DNAAF9: variants seen among roughly 807,000 people sequenced by gnomAD.
DNAAF9 encodes dynein axonemal assembly factor 9.
A neutral mutation model predicts 167.0 loss-of-function variants in DNAAF9; 90 were observed. That is an observed-to-expected ratio of 0.54 (90% confidence interval 0.45 to 0.64). The LOEUF (loss-of-function observed/expected upper bound fraction) is 0.64, where lower values mean the gene tolerates loss of function less well. Among genes scored for constraint, DNAAF9 ranks in the 30% least tolerant of loss-of-function variants. The probability of loss-of-function intolerance (pLI) is 0.00; values close to 1 mark genes in which losing one functional copy is unlikely to be tolerated. For synonymous variants in DNAAF9, 491 were observed against 508.8 expected, an observed-to-expected ratio of 0.96 and a Z score of 0.47; for missense variants, 1,315 against 1,442.2, an observed-to-expected ratio of 0.91 and a Z score of 1.43.
At position 3,255,258 on chromosome 20, in the gene DNAAF9, G is replaced by T. The variant is rs1337542444; in HGVS notation, c.3288C>A (p.Thr1096=). The T allele has an allele frequency of 1.3e-6, 2 of 1,550,846 alleles. No homozygotes were observed. Among genetic ancestry groups the T allele is most frequent in the East Asian group, 4.9e-5 (2 of 40,926 alleles). The change falls in exon 35 of 37, where the codon ACC becomes ACA. Residue 1096 remains threonine, a synonymous_variant. Transcript: ENST00000252032. ...KQKPQRKALK[T]RGMLTQQEIR... ...TCTCCTGTTGCGTCAGCATCCCCCT[G>T]GTCTTCAGGGCTTTCCTCTGAGGCT...
chr20:3,278,984 A>T lies in DNAAF9; in HGVS notation c.2613-35T>A, dbSNP rs754928507. The T allele has an allele frequency of 2.7e-6, 4 of 1,482,636 alleles. No homozygotes were observed. In the South Asian group the frequency reaches 4.6e-5, roughly 17 times the overall value. 91.8% of individuals were successfully genotyped at this position (1,482,636 alleles called of 1,614,324 possible). A position where few individuals can be genotyped will look rare whatever the true frequency, so the allele number is the denominator to read the frequency against. On this transcript the variant is annotated intron_variant, in intron 28 of 36. Transcript: ENST00000252032. ...AAAAAGGGGGAAATATTTAAAAACC[A>T]TTCACCTCAGAGTTGTCACTGATTA...
intron 31 of DNAAF9, among the ~76,000 whole-genome samples, chr20:3,262,950 T>C (rs1439819514): frequency 6.6e-6 from 1 of 151,456 alleles, no homozygotes; most frequent in Admixed American, 6.6e-5. Flanking sequence ...TTTTGTTTTT[T>C]ACAGCATAGC....
At chr20:3,267,701 G>A (rs2122788113) in intron 30 of DNAAF9, among the ~76,000 whole-genome samples, 1 of 152,118 alleles carries the variant, frequency 6.6e-6, no homozygotes, top group African/African-American at 2.4e-5. Flanking sequence ...CTGGTATGGT[G>A]GTATGCACTT....
chr20:3,317,769 G>T (rs1274541052), intron 17 of DNAAF9, among the ~76,000 whole-genome samples: 1 of 151,916 alleles, frequency 6.6e-6, no homozygotes, highest in East Asian at 1.9e-4. Context: ...GCTAATTTTT[G>T]TATTTTTAGT....
intron 11 of DNAAF9, 124 bp from the exon 12 acceptor site, chr20:3,330,806 T>TA: frequency 1.6e-6 from 1 of 617,178 alleles, no homozygotes; most frequent in Non-Finnish European, 2.8e-6. Flanking sequence ...TTTTTTTTTT[T>TA]TTTGAGACAC....
intron 10 of DNAAF9, among the ~76,000 whole-genome samples, chr20:3,337,440 GT>G (rs55881467): frequency 2.1e-4 from 28 of 134,388 alleles, no homozygotes; most frequent in Non-Finnish European, 2.2e-4. Flanking sequence ...CTTTTTTTTT[GT>G]TTTTTTTTTT....
rs1371359566 is a variant in DNAAF9 at position 3,315,498 on chromosome 20, A to G, written c.1590+237T>C. 1.3e-5 allele frequency among the ~76,000 whole-genome samples: 2 copies of G among 152,056 alleles called. No homozygotes were observed. Among genetic ancestry groups the G allele is most frequent in the Non-Finnish European group, 2.9e-5 (2 of 68,010 alleles). On this transcript the variant is annotated intron_variant, in intron 19 of 36. Coordinates refer to ENST00000252032, the MANE Select transcript of DNAAF9 (RefSeq NM_001009984.3). This position sits in a 1 kb window ranked among gnomAD's most constrained non-coding sequence, Gnocchi z 4.1. ...GATCTGCTTTTAATATTATGGGGAG[A>G]TTTTTAAAAGAACACCAGAAGGCCC...
At chr20:3,338,798 G>A (rs971013096) in intron 10 of DNAAF9, among the ~76,000 whole-genome samples, 11 of 151,736 alleles carry the variant, frequency 7.2e-5, no homozygotes, top group Admixed American at 1.3e-4. Flanking sequence ...GATAACAGGC[G>A]CCCGCCACCA....
At chr20:3,257,672 T>A (rs1174714655) in intron 33 of DNAAF9, among the ~76,000 whole-genome samples, 1 of 151,980 alleles carries the variant, frequency 6.6e-6, no homozygotes, top group Non-Finnish European at 1.5e-5. Flanking sequence ...GCCTCCCAAG[T>A]AGCTGGGATT....
At chr20:3,376,074 G>C (rs1293197421) in intron 4 of DNAAF9, 104 bp downstream of exon 4, 21 of 1,046,770 alleles carry the variant, frequency 2.0e-5, no homozygotes, top group Non-Finnish European at 2.0e-5. Context: ...TTTTTATATA[G>C]TCACACTCTG....
intron 23 of DNAAF9, chr20:3,296,456 CA>C (rs1427564333): frequency 3.4e-6 from 1 of 290,102 alleles, no homozygotes; most frequent in African/African-American, 2.2e-5. Flanking sequence ...CGGCTCACTG[CA>C]ACCTTGAATT....
intron 33 of DNAAF9, among the ~76,000 whole-genome samples, chr20:3,257,655 T>C (rs1013874024): frequency 3.8e-4 from 58 of 151,436 alleles, no homozygotes; most frequent in African/African-American, 1.3e-3. Flanking sequence ...GTGATTCTCC[T>C]ACCTCAGCCT....
chr20:3,349,138 G>A (rs2070256202), intron 7 of DNAAF9, among the ~76,000 whole-genome samples: 1 of 136,208 alleles, frequency 7.3e-6, no homozygotes, highest in Admixed American at 8.2e-5. Flanking sequence ...AGAATCACAT[G>A]AGCCCCAGGA....
intron 17 of DNAAF9, 30 bp downstream of exon 17, chr20:3,318,259 G>A: frequency 2.1e-6 from 2 of 935,304 alleles, no homozygotes; most frequent in South Asian, 1.4e-5. Flanking sequence ...AAGGCTTAAG[G>A]TTTGCTTTCT....
rs2069202203 is a variant in DNAAF9, at chr20:3,302,230, T to C, written c.1782+2210A>G. On this transcript the variant is annotated intron_variant, in intron 21 of 36. Transcript: ENST00000252032. Reference sequence around the variant, plus strand: ...CTGGGATTACAGGCATGAGCCACTGTGCCTAGCCATAAAAAAATTTTTTTA... The same window carrying C: ...CTGGGATTACAGGCATGAGCCACTGCGCCTAGCCATAAAAAAATTTTTTTA... 8.5e-5 allele frequency among the ~76,000 whole-genome samples: 13 copies of C among 152,252 alleles called. No individual in the cohort carries two copies. In the South Asian group the frequency reaches 2.7e-3, roughly 32 times the overall value.
At chr20:3,313,862 A>G (rs1224865501) in intron 20 of DNAAF9, among the ~76,000 whole-genome samples, 1 of 152,198 alleles carries the variant, frequency 6.6e-6, no homozygotes, top group Non-Finnish European at 1.5e-5. Context: ...ATGAGCCCAG[A>G]GCAAACCAAG....
rs181467436 is a variant in DNAAF9, at chr20:3,287,683, C to A, written c.2435G>T (p.Arg812Leu). 14 of 1,614,224 alleles carry A rather than the reference C, an allele frequency of 8.7e-6. No homozygotes were observed. The highest frequency in any genetic ancestry group is 1.0e-5 in the Non-Finnish European group (12 of 1,180,028). ...ALEAQQNRSA[R>L]QSAYIRKKTR... ...CTTCTTGCGGATGTAGGCTGACTGG[C>A]GCGCAGAGCGGTTCTGCTGGGCCTC... Residue 812 changes from arginine to leucine, a missense_variant, in exon 27 of 37, where the codon CGC becomes CTC. Coordinates refer to ENST00000252032, the MANE Select transcript of DNAAF9 (RefSeq NM_001009984.3).
intron 29 of DNAAF9, among the ~76,000 whole-genome samples, chr20:3,271,823 G>T (rs1159789298): frequency 6.6e-6 from 1 of 151,954 alleles, no homozygotes; most frequent in Non-Finnish European, 1.5e-5. Context: ...GTTTCTCCAT[G>T]TTGGTCAGGC....
At chr20:3,287,824 C>A in intron 26 of DNAAF9, 34 bp from the exon 27 acceptor site, 2 of 1,600,554 alleles carry the variant, frequency 1.2e-6, no homozygotes, top group Non-Finnish European at 1.7e-6. Context: ...TGCATGGGGG[C>A]CACCTGATGG....
Sources: allele counts gnomAD v4.1 joint callset (sites outside exome capture counted in the v4.1 genomes callset), GRCh38; gene constraint gnomAD v4.1.1; non-coding constraint Gnocchi (gnomAD v3.1); transcripts MANE v1.5; gene names NCBI Gene and HGNC (gene_info 2026-07-23, HGNC 2026-07-21).